THRB: variants seen among roughly 807,000 people sequenced by gnomAD.
The protein encoded by THRB is thyroid hormone receptor beta.
A neutral mutation model predicts 47.8 loss-of-function variants in THRB; 12 were observed. The ratio of observed to expected loss-of-function variants is 0.25; its 90% CI spans 0.16 to 0.41. The LOEUF (loss-of-function observed/expected upper bound fraction) is 0.41, where lower values mean the gene tolerates loss of function less well. THRB is among the 10% of genes least tolerant of loss of function. THRB has a pLI of 1.00. For synonymous variants in THRB, 218 were observed against 212.2 expected, an observed-to-expected ratio of 1.03 and a Z score of -0.24; for missense variants, 348 against 589.2, an observed-to-expected ratio of 0.59 and a Z score of 4.24.
chr3:24,413,009 G>A (rs1387381774), intron 1 of THRB, among the ~76,000 whole-genome samples: 2 of 151,722 alleles, frequency 1.3e-5, no homozygotes, highest in African/African-American at 4.8e-5. Context: ...ATACAAAGGA[G>A]CAGTTAAAGA....
At chr3:24,250,710 A>G (rs928196528) in intron 3 of THRB, among the ~76,000 whole-genome samples, 1 of 152,196 alleles carries the variant, frequency 6.6e-6, no homozygotes, top group Non-Finnish European at 1.5e-5. Context: ...CTTAAAAAGA[A>G]AAAGAGAAAT....
chr3:24,490,638 G>A (rs148029340), intron 1 of THRB, among the ~76,000 whole-genome samples: 11 of 152,178 alleles, frequency 7.2e-5, no homozygotes, highest in Non-Finnish European at 1.6e-4. Flanking sequence ...AAAGCATCAG[G>A]GGCCACATAT....
intron 1 of THRB, among the ~76,000 whole-genome samples, chr3:24,487,410 C>A (rs1014927059): frequency 2.0e-5 from 3 of 152,070 alleles, no homozygotes; most frequent in African/African-American, 7.2e-5. Context: ...ACCTGCTCTC[C>A]CCTTTCTTGG....
At chr3:24,391,777 A>G (rs533084954) in intron 1 of THRB, among the ~76,000 whole-genome samples, 3 of 152,162 alleles carry the variant, frequency 2.0e-5, no homozygotes, top group Non-Finnish European at 4.4e-5. Flanking sequence ...CTGCCCCATC[A>G]TTGTCATCAT....
chr3:24,283,287 A>G (rs2054835273), intron 3 of THRB, among the ~76,000 whole-genome samples: 1 of 152,238 alleles, frequency 6.6e-6, no homozygotes, highest in South Asian at 2.1e-4. Flanking sequence ...ATATATGCAA[A>G]TCAATAAACA....
At chr3:24,197,577 C>G (rs898546972) in intron 4 of THRB, among the ~76,000 whole-genome samples, 1 of 152,164 alleles carries the variant, frequency 6.6e-6, no homozygotes, top group African/African-American at 2.4e-5. Flanking sequence ...CTCCACAGGT[C>G]TAAGCACAAT....
At chr3:24,459,301 T>C (rs977640919) in intron 1 of THRB, 2 of 152,220 alleles carry the variant, frequency 1.3e-5, no homozygotes. Context: ...AACTCATCCT[T>C]TTTATGACTG....
At chr3:24,197,034 A>G (rs920545832) in intron 4 of THRB, among the ~76,000 whole-genome samples, 29 of 152,228 alleles carry the variant, frequency 1.9e-4, no homozygotes, top group Non-Finnish European at 4.1e-4. Context: ...ACATACATGT[A>G]TATAATTTTC....
intron 1 of THRB, among the ~76,000 whole-genome samples, chr3:24,478,750 A>C (rs944933263): frequency 6.6e-6 from 1 of 152,130 alleles, no homozygotes; most frequent in Non-Finnish European, 1.5e-5. Context: ...ATTTGGAAAC[A>C]TCTCCCCCTA....
intron 3 of THRB, among the ~76,000 whole-genome samples, chr3:24,292,366 G>C (rs2056015457): frequency 6.6e-6 from 1 of 152,048 alleles, no homozygotes. Flanking sequence ...GTGCTCCAGG[G>C]CCATAGTAGC....
intron 1 of THRB, among the ~76,000 whole-genome samples, chr3:24,359,641 C>T (rs565412432): frequency 1.3e-5 from 2 of 152,242 alleles, no homozygotes; most frequent in South Asian, 2.1e-4. Context: ...GACTTTTCTA[C>T]AATCTTTTTT....
chr3:24,401,968 G>C (rs1406845981), intron 1 of THRB, among the ~76,000 whole-genome samples: 1 of 152,040 alleles, frequency 6.6e-6, no homozygotes, highest in Non-Finnish European at 1.5e-5. Flanking sequence ...ATGAACACCT[G>C]AGCTACCACC....
intron 5 of THRB, among the ~76,000 whole-genome samples, chr3:24,184,117 T>A (rs2042266665): frequency 6.6e-6 from 1 of 152,238 alleles, no homozygotes; most frequent in Admixed American, 6.5e-5. Flanking sequence ...CTATTCTTAA[T>A]GCATGCTTAC....
chr3:24,342,153 CAAAA>C (rs10574941), intron 1 of THRB, among the ~76,000 whole-genome samples: 259 of 138,852 alleles, frequency 1.9e-3, no homozygotes, highest in African/African-American at 5.2e-3. Context: ...CTGTTGCGCT[CAAAA>C]AAAAAAAAAA....
At chr3:24,405,956 T>C (rs1282889872) in intron 1 of THRB, among the ~76,000 whole-genome samples, 1 of 151,630 alleles carries the variant, frequency 6.6e-6, no homozygotes, top group Non-Finnish European at 1.5e-5. Context: ...TATTTAGTCC[T>C]AGTTATTTTC....
chr3:24,391,938 T>G (rs527366539), intron 1 of THRB, among the ~76,000 whole-genome samples: 1 of 152,302 alleles, frequency 6.6e-6, no homozygotes, highest in Non-Finnish European at 1.5e-5. Context: ...AGAGGCTACA[T>G]AATTCGCACA....
chr3:24,215,221 G>C (rs867584916), intron 4 of THRB, among the ~76,000 whole-genome samples: 2 of 152,220 alleles, frequency 1.3e-5, no homozygotes, highest in East Asian at 3.8e-4. Flanking sequence ...TCCCCAGAGT[G>C]TACCATAGGA....
At chr3:24,288,429 C>G (rs1427900337) in intron 3 of THRB, among the ~76,000 whole-genome samples, 1 of 152,206 alleles carries the variant, frequency 6.6e-6, no homozygotes, top group African/African-American at 2.4e-5. Context: ...AATTCTAGAA[C>G]TAGGTTCTGC....
At chr3:24,442,824 C>CAAAAA (rs71988334) in intron 1 of THRB, among the ~76,000 whole-genome samples, 1 of 135,090 alleles carries the variant, frequency 7.4e-6, no homozygotes, top group African/African-American at 2.8e-5. Context: ...AACTCCGTCT[C>CAAAAA]AAAAAAAAAA....
Sources: gnomAD v4.1 joint callset for allele counts (sites outside exome capture counted in the v4.1 genomes callset) on GRCh38, gnomAD v4.1.1 for gene constraint, MANE v1.5 for transcripts, NCBI Gene and HGNC (gene_info 2026-07-23, HGNC 2026-07-21) for gene names.